Variants in MAP3K3 observed in about 807,000 individuals in gnomAD.
The protein encoded by MAP3K3 is MAP/ERK kinase kinase 3.
MAP3K3 carries 12 observed loss-of-function variants against 80.9 expected under a neutral mutation model. The observed-to-expected ratio is 0.15, with a 90% CI of 0.10 to 0.24. The LOEUF is 0.24. Among genes scored for constraint, MAP3K3 ranks in the 10% least tolerant of loss-of-function variants. MAP3K3 has a pLI of 1.00. For missense variants in MAP3K3, 596 were observed against 834.7 expected (o/e 0.71, Z 3.52); for synonymous variants, 272 against 307.1 (o/e 0.89, Z 1.19).
chr17:63,670,586 C>CAAAAA (rs756058538), intron 6 of MAP3K3, among the ~76,000 whole-genome samples: 26 of 79,798 alleles, frequency 3.3e-4, no homozygotes, highest in African/African-American at 6.2e-4. Flanking sequence ...GACTCTGTCT[C>CAAAAA]AAAAAAAAAA....
Position 63,693,069 on chromosome 17 carries a change from A to G in MAP3K3, c.1653-480A>G, listed in dbSNP as rs2035626231. 6.6e-6 allele frequency among the ~76,000 whole-genome samples: 1 copy of G among 152,070 alleles called. No homozygotes were observed. Among genetic ancestry groups the G allele is most frequent in the Non-Finnish European group, 1.5e-5 (1 of 68,004 alleles). The stretch of plus-strand genomic sequence containing the variant: ...GAGGTTGGAGTAATACAAGGAGGGG[A>G]CCATGAGCCACGAAATGCAGGTGGC... On this transcript the variant is annotated intron_variant, in intron 15 of 15. Transcript: ENST00000361733. The surrounding 1 kb of genome is among the most constrained non-coding windows in gnomAD (Gnocchi z 4.2).
At chr17:63,629,466 C>T (rs1451882783) in intron 1 of MAP3K3, among the ~76,000 whole-genome samples, 7 of 152,058 alleles carry the variant, frequency 4.6e-5, no homozygotes, top group African/African-American at 9.7e-5. Flanking sequence ...TTAAAGAATG[C>T]CACATTGGAG....
rs184409168 is a variant in MAP3K3 at position 63,639,832 on chromosome 17, A to G, written c.127-6202A>G. ...TGATTATAAAGCAACCTTCTTACAAAATATAATGCCAGGCTTGTGTGTTGC... is the reference window on the plus strand; with the variant it reads ...TGATTATAAAGCAACCTTCTTACAAGATATAATGCCAGGCTTGTGTGTTGC... On this transcript the variant is annotated intron_variant, in intron 2 of 15. Coordinates refer to ENST00000361733, the MANE Select transcript of MAP3K3 (RefSeq NM_002401.5). Among the ~76,000 whole-genome samples, 8 of 152,300 alleles carry G rather than the reference A, an allele frequency of 5.3e-5. No individual in the cohort carries two copies. The East Asian group carries it at 1.5e-3, about 29-fold the overall frequency.
Position 63,688,542 on chromosome 17 carries a change from A to G in MAP3K3, c.726A>G (p.Lys242=), listed in dbSNP as rs1408709016. Residue 242 remains lysine, a synonymous_variant, in exon 9 of 16, where the codon AAA becomes AAG. Transcript: ENST00000361733. Reference sequence around the variant, plus strand: ...TTTTCTCCAGCCCATCCTTCCGGAAATCACGAATGTCCCGTGCCCAGAGCT... The same window carrying G: ...TTTTCTCCAGCCCATCCTTCCGGAAGTCACGAATGTCCCGTGCCCAGAGCT... ...DRSADSPSFR[K]SRMSRAQSFP... 1.2e-6 allele frequency: 2 copies of G among 1,614,112 alleles called. No homozygotes were observed. The highest frequency in any genetic ancestry group is 3.3e-5 in the Admixed American group (2 of 60,008).
Position 63,622,783 on chromosome 17 carries a change from C to T in MAP3K3, c.4+20C>T. On this transcript the variant is annotated intron_variant, in intron 1 of 15. Coordinates refer to ENST00000361733, the MANE Select transcript of MAP3K3 (RefSeq NM_002401.5). ...CCATGGGTAAGTGTCGCCACCGCCCCGGCCTGTGCCCGCGCTGCTTCGCGA... is the reference window on the plus strand; with the variant it reads ...CCATGGGTAAGTGTCGCCACCGCCCTGGCCTGTGCCCGCGCTGCTTCGCGA... 2.0e-6 allele frequency: 1 copy of T among 511,016 alleles called. No homozygotes were observed. The highest frequency in any genetic ancestry group is 1.6e-5 in the South Asian group (1 of 63,728). 31.7% of individuals were successfully genotyped at this position (511,016 alleles called of 1,614,324 possible).
At chr17:63,637,217 C>T in intron 2 of MAP3K3, 1 of 231,350 alleles carries the variant, frequency 4.3e-6, no homozygotes, top group South Asian at 1.0e-4. Context: ...AAAAAGAGTA[C>T]TGGCCTAGGA....
At chr17:63,675,385 C>G (rs2035197105) in intron 6 of MAP3K3, among the ~76,000 whole-genome samples, 1 of 152,242 alleles carries the variant, frequency 6.6e-6, no homozygotes, top group South Asian at 2.1e-4. Context: ...CACATTAACA[C>G]TGACCCAAAG....
intron 2 of MAP3K3, chr17:63,634,752 C>T: frequency 6.2e-7 from 1 of 1,614,102 alleles, no homozygotes; most frequent in Non-Finnish European, 8.5e-7. Context: ...AACAGCCCCA[C>T]AGTAACAACA....
At chr17:63,687,760 C>T (rs1233234283) in intron 8 of MAP3K3, among the ~76,000 whole-genome samples, 6 of 148,848 alleles carry the variant, frequency 4.0e-5, no homozygotes, top group East Asian at 2.0e-4. Context: ...GAGGCCGAGG[C>T]GGGTGGATCA....
At chr17:63,639,821 C>T (rs369518145) in intron 2 of MAP3K3, among the ~76,000 whole-genome samples, 1 of 151,886 alleles carries the variant, frequency 6.6e-6, no homozygotes, top group Admixed American at 6.6e-5. Flanking sequence ...TATAAAGCAA[C>T]CTTCTTACAA....
At chr17:63,677,580 T>C (rs550796727) in intron 6 of MAP3K3, among the ~76,000 whole-genome samples, 1 of 152,350 alleles carries the variant, frequency 6.6e-6, no homozygotes, top group East Asian at 1.9e-4. Context: ...GTAGTTCCCT[T>C]GGTCCAGATT....
intron 2 of MAP3K3, among the ~76,000 whole-genome samples, chr17:63,638,411 T>C (rs2034375626): frequency 6.6e-6 from 1 of 152,120 alleles, no homozygotes; most frequent in Non-Finnish European, 1.5e-5. Flanking sequence ...TCATAAACCT[T>C]TGGTTAATAA....
intron 3 of MAP3K3, among the ~76,000 whole-genome samples, chr17:63,648,964 T>C (rs1488662232): frequency 2.0e-5 from 3 of 152,202 alleles, no homozygotes; most frequent in African/African-American, 7.2e-5. Flanking sequence ...TGTTAGGCTT[T>C]GCGTGAAGGA....
chr17:63,633,181 T>C (rs1282044725), intron 2 of MAP3K3, among the ~76,000 whole-genome samples: 1 of 150,250 alleles, frequency 6.7e-6, no homozygotes, highest in Non-Finnish European at 1.5e-5. Flanking sequence ...TGAGCCGAGA[T>C]AGCACCACTG....
chr17:63,667,027 C>G lies in MAP3K3; in HGVS notation c.469C>G (p.Pro157Ala), dbSNP rs752685930. 1 of 1,610,366 alleles carries G rather than the reference C, an allele frequency of 6.2e-7. No homozygotes were observed. The highest frequency in any genetic ancestry group is 1.7e-5 in the Admixed American group (1 of 58,938). ...AGGGGATATAAATACTATCTACCAG[C>G]CCCCCGAGCCCAGAAGCAGGCACCT... ...SAGDINTIYQ[P>A]PEPRSRHLSV... Residue 157 changes from proline to alanine, a missense_variant, in exon 6 of 16, where the codon CCC becomes GCC. Coordinates refer to ENST00000361733, the MANE Select transcript of MAP3K3 (RefSeq NM_002401.5).
chr17:63,668,538 G>T (rs1389320767), intron 6 of MAP3K3, among the ~76,000 whole-genome samples: 1 of 152,172 alleles, frequency 6.6e-6, no homozygotes, highest in Non-Finnish European at 1.5e-5. Flanking sequence ...AGAGATTGAG[G>T]GGATGGAGGT....
Position 63,690,441 on chromosome 17 carries a change from T to C in MAP3K3, c.1212+29T>C, listed in dbSNP as rs367893213. 7 of 1,604,208 alleles carry C rather than the reference T, an allele frequency of 4.4e-6. No homozygotes were observed. The African/African-American group carries it at 9.4e-5, about 21-fold the overall frequency. On this transcript the variant is annotated intron_variant, in intron 12 of 15. Transcript: ENST00000361733. The stretch of plus-strand genomic sequence containing the variant: ...CACTTAACCCGTGGTCTGACTTCAG[T>C]TCCCTCCTTTCAACAAAAATGCCTG...
Position 63,632,749 on chromosome 17 carries a change from A to G in MAP3K3, c.73A>G (p.Met25Val), listed in dbSNP as rs2034243246. 3 of 1,614,034 alleles carry G rather than the reference A, an allele frequency of 1.9e-6. No homozygotes were observed. Among genetic ancestry groups the G allele is most frequent in the Non-Finnish European group, 2.5e-6 (3 of 1,180,012 alleles). Residue 25 changes from methionine to valine, a missense_variant, in exon 2 of 16, where the codon ATG (methionine) becomes GTG (valine). Transcript: ENST00000361733. ...VALQMNRRHR[M>V]PGYETMKNKD... ...CCTCCAGATGAACCGACGTCACCGG[A>G]TGCCTGGATATGAGACCATGAAGAA...
chr17:63,664,748 A>G (rs888768798), intron 5 of MAP3K3, among the ~76,000 whole-genome samples: 3 of 152,166 alleles, frequency 2.0e-5, no homozygotes, highest in Non-Finnish European at 4.4e-5. Context: ...CTAGCTACAC[A>G]GTTCATACCT....
Sources: gnomAD v4.1 joint callset for allele counts (sites outside exome capture counted in the v4.1 genomes callset) on GRCh38, gnomAD v4.1.1 for gene constraint, Gnocchi (gnomAD v3.1) non-coding constraint, MANE v1.5 for transcripts, NCBI Gene and HGNC (gene_info 2026-07-23, HGNC 2026-07-21) for gene names.